PSD3: variants seen among roughly 807,000 people sequenced by gnomAD.
The protein encoded by PSD3 is pleckstrin and Sec7 domain containing 3.
PSD3 carries 49 observed loss-of-function variants against 105.5 expected under a neutral mutation model. That is an observed-to-expected ratio of 0.46 (90% CI 0.37 to 0.59). The LOEUF (loss-of-function observed/expected upper bound fraction) is 0.59, where lower values mean the gene tolerates loss of function less well. Among genes scored for constraint, PSD3 ranks in the 20% least tolerant of loss-of-function variants. PSD3 has a pLI of 0.00. For missense variants in PSD3, 1,561 were observed against 1,263.8 expected, an observed-to-expected ratio of 1.24 and a Z score of -3.57; for synonymous variants, 557 against 457.8, an observed-to-expected ratio of 1.22 and a Z score of -2.77.
chr8:19,074,318 G>T (rs1365317689), intron 1 of PSD3, among the ~76,000 whole-genome samples: 1 of 151,994 alleles, frequency 6.6e-6, no homozygotes, highest in East Asian at 1.9e-4. Context: ...TCACTGCCTG[G>T]CACCTGGGAA....
chr8:19,018,778 C>A (rs1048504378), intron 1 of PSD3, among the ~76,000 whole-genome samples: 2 of 152,134 alleles, frequency 1.3e-5, no homozygotes, highest in African/African-American at 4.8e-5. Context: ...CAAGTCTATC[C>A]TCATGAGAGT....
intron 9 of PSD3, among the ~76,000 whole-genome samples, chr8:18,761,313 C>T (rs563810021): frequency 2.8e-4 from 42 of 152,270 alleles, no homozygotes; most frequent in African/African-American, 1.0e-3. Flanking sequence ...TTGACTACTG[C>T]CGCTAATCTC....
Position 18,535,837 on chromosome 8 carries a change from T to C in PSD3, c.3050A>G (p.Asp1017Gly), listed in dbSNP as rs370316194. Residue 1017 changes from aspartate (D) to glycine (G), a missense_variant, in exon 16 of 16, where the codon GAT becomes GGT. Transcript: ENST00000327040. ...GACTTTGGCAGTGATTGGAGAAGTA[T>C]CCGGGTTCAGCGAAGGACTCGAGTG... ...KSHSSPSLNPDTSPITAKVKR... is the reference protein window; with the variant it reads ...KSHSSPSLNPGTSPITAKVKR... The C allele has an allele frequency of 6.2e-7, 1 of 1,614,030 alleles. No homozygotes were observed. Among genetic ancestry groups the C allele is most frequent in the African/African-American group, 1.3e-5 (1 of 74,912 alleles).
At chr8:19,076,880 C>G (rs1472529898) in intron 1 of PSD3, among the ~76,000 whole-genome samples, 4 of 152,090 alleles carry the variant, frequency 2.6e-5, no homozygotes, top group African/African-American at 9.7e-5. Context: ...GGTGTTAAGT[C>G]TGAATGTCAA....
chr8:18,703,513 C>G (rs1399514818), intron 9 of PSD3, among the ~76,000 whole-genome samples: 1 of 152,158 alleles, frequency 6.6e-6, no homozygotes, highest in Non-Finnish European at 1.5e-5. Flanking sequence ...CTCATAAGCA[C>G]ACAAACCTCT....
intron 6 of PSD3, 48 bp from the exon 7 acceptor site, chr8:18,801,430 T>A (rs1440255371): frequency 1.9e-6 from 2 of 1,026,388 alleles, no homozygotes; most frequent in Non-Finnish European, 3.0e-6. Context: ...GAAAATGCTA[T>A]CACACTCTTT....
At chr8:18,928,792 T>TTC (rs982377768) in intron 2 of PSD3, among the ~76,000 whole-genome samples, 1 of 151,040 alleles carries the variant, frequency 6.6e-6, no homozygotes, top group African/African-American at 2.4e-5. Flanking sequence ...TTCTTTCTCT[T>TTC]TCTCTCTCTC....
At chr8:18,818,219 T>G (rs1220708560) in intron 4 of PSD3, among the ~76,000 whole-genome samples, 8 of 152,308 alleles carry the variant, frequency 5.3e-5, no homozygotes, top group African/African-American at 1.9e-4. Context: ...CCTCCCAAAG[T>G]GCTTGGATTA....
At position 18,632,773 on chromosome 8, in the gene PSD3, TTC is replaced by T; in HGVS notation, c.2248_2249del (p.Glu750LysfsTer3). 1 of 1,597,170 alleles carries T rather than the reference TTC, an allele frequency of 6.3e-7. No individual in the cohort carries two copies. The highest frequency in any genetic ancestry group is 8.6e-7 in the Non-Finnish European group (1 of 1,167,612). ...TTCCGTTAGCTTTCTCCTCAGTACTTTCTGAGGGAGACTTTTTTTTCTCTTCA... is the reference window on the plus strand; with the variant it reads ...TTCCGTTAGCTTTCTCCTCAGTACTTTGAGGGAGACTTTTTTTTCTCTTCA... ...DDEEKKKSPS[E>X]STEEKANGTH... On this transcript the variant is annotated frameshift_variant, in exon 11 of 16. Coordinates refer to ENST00000327040, the MANE Select transcript of PSD3 (RefSeq NM_015310.4). LOFTEE classifies it high-confidence loss of function.
intron 1 of PSD3, among the ~76,000 whole-genome samples, chr8:19,070,100 G>C (rs1829202595): frequency 6.6e-6 from 1 of 151,744 alleles, no homozygotes; most frequent in Admixed American, 6.6e-5. Flanking sequence ...GTTTCTTCTG[G>C]TTAGCAGTGT....
intron 1 of PSD3, among the ~76,000 whole-genome samples, chr8:18,941,489 T>C (rs999129507): frequency 6.6e-6 from 1 of 152,094 alleles, no homozygotes; most frequent in Non-Finnish European, 1.5e-5. Flanking sequence ...AAACACACCC[T>C]GTATTTAAAG....
intron 2 of PSD3, among the ~76,000 whole-genome samples, chr8:18,877,460 A>T (rs1313314794): frequency 6.6e-6 from 1 of 152,222 alleles, no homozygotes; most frequent in Non-Finnish European, 1.5e-5. Flanking sequence ...CCCATGTCAA[A>T]AATCAAACAT....
chr8:18,571,219 G>A (rs113272879), intron 14 of PSD3, among the ~76,000 whole-genome samples: 9 of 152,166 alleles, frequency 5.9e-5, no homozygotes, highest in Admixed American at 2.0e-4. Flanking sequence ...TCCTACACAC[G>A]ACAAACAAGG....
intron 9 of PSD3, among the ~76,000 whole-genome samples, chr8:18,702,887 C>T (rs1236349023): frequency 6.6e-6 from 1 of 152,138 alleles, no homozygotes; most frequent in Non-Finnish European, 1.5e-5. Context: ...GCTGGGATTA[C>T]AGGTGTGAGC....
chr8:18,549,073 G>A (rs757304524), intron 15 of PSD3, among the ~76,000 whole-genome samples: 3 of 152,126 alleles, frequency 2.0e-5, no homozygotes, highest in Admixed American at 1.3e-4. Context: ...CACAGGTCAT[G>A]GTTGCAGGGG....
chr8:18,882,952 T>C (rs1450051817), intron 2 of PSD3, among the ~76,000 whole-genome samples: 1 of 152,136 alleles, frequency 6.6e-6, no homozygotes, highest in African/African-American at 2.4e-5. Flanking sequence ...TATCTGTCTA[T>C]ACACAGAGAA....
Position 18,575,209 on chromosome 8 carries a change from G to C in PSD3, c.2558C>G (p.Ser853Cys), listed in dbSNP as rs774815173. Residue 853 changes from serine to cysteine, a missense_variant, in exon 13 of 16, where the codon TCC (serine) becomes TGC (cysteine). Transcript: ENST00000327040. ...NAVSVHHALA[S>C]KATDYEKKPN... ...TTTCTTCTCATAGTCCGTGGCCTTG[G>C]ATGCCAATGCGTGGTGCACACTCAC... 6.8e-6 allele frequency: 11 copies of C among 1,613,842 alleles called. No individual in the cohort carries two copies. Among genetic ancestry groups the C allele is most frequent in the African/African-American group, 2.7e-5 (2 of 74,912 alleles).
chr8:18,705,117 AG>A (rs377237379), intron 9 of PSD3, among the ~76,000 whole-genome samples: 18 of 152,252 alleles, frequency 1.2e-4, no homozygotes, highest in African/African-American at 3.4e-4. Context: ...ACAAATAAAA[AG>A]CACAAAAACA....
Position 18,575,201 on chromosome 8 carries a change from T to G in PSD3, c.2566A>C (p.Thr856Pro). ...SVHHALASKATDYEKKPNVFK... is the reference protein window; with the variant it reads ...SVHHALASKAPDYEKKPNVFK... The stretch of plus-strand genomic sequence containing the variant: ...ACGTTTGGTTTCTTCTCATAGTCCG[T>G]GGCCTTGGATGCCAATGCGTGGTGC... The change falls in exon 13 of 16, where the codon ACG (threonine) becomes CCG (proline). Residue 856 changes from threonine (T) to proline (P), a missense_variant. Transcript: ENST00000327040. 6.2e-7 allele frequency: 1 copy of G among 1,614,030 alleles called. No individual in the cohort carries two copies. The highest frequency in any genetic ancestry group is 8.5e-7 in the Non-Finnish European group (1 of 1,179,920).
Sources: gnomAD v4.1 joint callset for allele counts (sites outside exome capture counted in the v4.1 genomes callset) on GRCh38, gnomAD v4.1.1 for gene constraint, MANE v1.5 for transcripts, NCBI Gene and HGNC (gene_info 2026-07-23, HGNC 2026-07-21) for gene names.